The following CAPS2 variants were observed in gnomAD, a reference collection of about 807,000 sequenced individuals.
CAPS2 encodes the protein calcyphosine 2.
CAPS2 carries 98 observed loss-of-function variants against 86.5 expected under a neutral mutation model. That is an observed-to-expected ratio of 1.13 (90% confidence interval 0.96 to 1.34). The LOEUF (loss-of-function observed/expected upper bound fraction) is 1.34. Among genes scored for constraint, CAPS2 ranks in the 40% most tolerant of loss-of-function variants. The pLI is 0.00. For synonymous variants in CAPS2, 210 were observed against 225.1 expected (o/e 0.93, Z 0.60); for missense variants, 729 against 686.8 (o/e 1.06, Z -0.69).
At chr12:75,342,552 T>C (rs1334591132) in intron 1 of CAPS2, among the ~76,000 whole-genome samples, 1 of 152,182 alleles carries the variant, frequency 6.6e-6, no homozygotes, top group East Asian at 1.9e-4. Context: ...ATTGAGCTAT[T>C]TGTCTACCCT....
At chr12:75,352,159 A>G (rs747223770) in intron 1 of CAPS2, among the ~76,000 whole-genome samples, 3 of 152,252 alleles carry the variant, frequency 2.0e-5, no homozygotes, top group Admixed American at 6.5e-5. Flanking sequence ...ATATAACTAT[A>G]CTAACGTTAA....
intron 1 of CAPS2, among the ~76,000 whole-genome samples, chr12:75,372,862 A>T (rs996098046): frequency 3.9e-5 from 6 of 152,192 alleles, no homozygotes; most frequent in Admixed American, 2.6e-4. Flanking sequence ...CCTTGGTTAG[A>T]GGCAATGTTG....
chr12:75,292,218 C>T (rs2036092416), intron 12 of CAPS2, among the ~76,000 whole-genome samples: 1 of 151,922 alleles, frequency 6.6e-6, no homozygotes, highest in Non-Finnish European at 1.5e-5. Context: ...AGGCACCTGC[C>T]ACCACGCCCA....
chr12:75,331,528 G>GA (rs2041304802), upstream of CAPS2, among the ~76,000 whole-genome samples: 3 of 151,252 alleles, frequency 2.0e-5, no homozygotes, highest in South Asian at 6.3e-4. Context: ...ATAAATAGCA[G>GA]AAAACACACA....
At chr12:75,355,357 G>A (rs546857703) in intron 1 of CAPS2, among the ~76,000 whole-genome samples, 12 of 152,184 alleles carry the variant, frequency 7.9e-5, no homozygotes, top group South Asian at 2.1e-4. Flanking sequence ...TGCAGCCAAC[G>A]AACTATAAAA....
chr12:75,312,863 A>G (rs2039375351), exon 7 of CAPS2: 2 of 1,595,652 alleles, frequency 1.3e-6, no homozygotes, highest in African/African-American at 1.3e-5. Context: ...TAAGTGGTCT[A>G]TCATCACTTG....
exon 12 of CAPS2, chr12:75,293,292 G>A (rs760191518): frequency 6.2e-7 from 1 of 1,612,288 alleles, no homozygotes; most frequent in Non-Finnish European, 8.5e-7. Flanking sequence ...GTGATTCGGA[G>A]TTTAAGTAAT....
intron 5 of CAPS2, among the ~76,000 whole-genome samples, chr12:75,320,510 AAG>A (rs1271988851): frequency 6.6e-6 from 1 of 152,054 alleles, no homozygotes; most frequent in Non-Finnish European, 1.5e-5. Flanking sequence ...CAAAATAAGA[AAG>A]ATCAAATAAT....
At chr12:75,337,793 TA>T (rs1202078429) in intron 1 of CAPS2, among the ~76,000 whole-genome samples, 2 of 152,038 alleles carry the variant, frequency 1.3e-5, no homozygotes, top group African/African-American at 2.4e-5. Flanking sequence ...AAGTATTGCT[TA>T]TTTTTTTATT....
chr12:75,313,387 C>T (rs538310213), intron 6 of CAPS2, among the ~76,000 whole-genome samples: 2 of 152,116 alleles, frequency 1.3e-5, no homozygotes, highest in Non-Finnish European at 2.9e-5. Flanking sequence ...ATAAAATATC[C>T]AAAACAAGGA....
chr12:75,347,722 C>A (rs376918511), intron 1 of CAPS2: 26 of 1,569,268 alleles, frequency 1.7e-5, no homozygotes, highest in South Asian at 5.8e-5. Context: ...TACGGACCTG[C>A]GTGAGTTATT....
chr12:75,304,515 T>G (rs369538851), intron 8 of CAPS2, among the ~76,000 whole-genome samples: 2,568 of 152,226 alleles, frequency 0.017, 67 homozygotes, highest in African/African-American at 0.052. Context: ...TCTCCAAAGG[T>G]TGTGGCTTTT....
At chr12:75,390,275 C>G (rs927956566) in intron 1 of CAPS2, 3 of 455,752 alleles carry the variant, frequency 6.6e-6, no homozygotes, top group African/African-American at 4.0e-5. Context: ...AGATATTAGC[C>G]AATTTTGTCT....
chr12:75,349,130 C>G (rs900751141), intron 1 of CAPS2, among the ~76,000 whole-genome samples: 1 of 152,082 alleles, frequency 6.6e-6, no homozygotes, highest in Non-Finnish European at 1.5e-5. Flanking sequence ...TTAACACATG[C>G]ACGTGAGGAA....
intron 1 of CAPS2, among the ~76,000 whole-genome samples, chr12:75,385,605 G>T (rs1411920517): frequency 6.6e-6 from 1 of 152,080 alleles, no homozygotes; most frequent in East Asian, 1.9e-4. Flanking sequence ...GGAAATCCTT[G>T]CTAATACAAT....
intron 1 of CAPS2, among the ~76,000 whole-genome samples, chr12:75,356,021 C>T (rs768084509): frequency 5.9e-5 from 9 of 152,038 alleles, no homozygotes; most frequent in East Asian, 3.9e-4. Flanking sequence ...AAATAGCTAA[C>T]GCATGCTGGG....
chr12:75,389,601 C>T (rs1453158250), intron 1 of CAPS2, among the ~76,000 whole-genome samples: 1 of 152,166 alleles, frequency 6.6e-6, no homozygotes, highest in Non-Finnish European at 1.5e-5. Flanking sequence ...TCAGCACTTG[C>T]CACCTTCACC....
rs565106551 is a variant in CAPS2 at position 75,319,626 on chromosome 12, G to A, written c.468+1774C>T. Among the ~76,000 whole-genome samples the A allele has an allele frequency of 1.4e-4, 22 of 152,212 alleles. No homozygotes were observed. In the South Asian group the frequency reaches 3.5e-3, roughly 24 times the overall value. ...CAAAATGAACGAAGACAAGAATCAA[G>A]TAGAGTCAAACTTCTATTTTGCAGT... On this transcript the variant is annotated intron_variant, in intron 5 of 16. Coordinates refer to ENST00000393284, the Ensembl canonical transcript of CAPS2.
At chr12:75,278,591 G>T (rs2033311709) in exon 17 of CAPS2, 2 of 1,045,054 alleles carry the variant, frequency 1.9e-6, no homozygotes, top group South Asian at 9.2e-5. Context: ...AATAAAAAAT[G>T]ACCTCTAAAA....
Sources: allele counts gnomAD v4.1 joint callset (sites outside exome capture counted in the v4.1 genomes callset), GRCh38; gene constraint gnomAD v4.1.1; transcripts MANE v1.5; gene names NCBI Gene and HGNC (gene_info 2026-07-23, HGNC 2026-07-21).